Variants in PZP observed in about 807,000 individuals in gnomAD.
The protein encoded by PZP is PZP alpha-2-macroglobulin like, also known as pregnancy zone protein.
Under a neutral mutation model 179.8 loss-of-function variants are expected in PZP, and 150 were observed. The ratio of observed to expected loss-of-function variants is 0.83; its 90% CI spans 0.73 to 0.96. The LOEUF (loss-of-function observed/expected upper bound fraction) is 0.96, where lower values mean the gene tolerates loss of function less well. PZP is among the 40% of genes least tolerant of loss of function. PZP has a pLI of 0.00. For missense variants in PZP, 1,689 were observed against 1,764.0 expected, an observed-to-expected ratio of 0.96 and a Z score of 0.76; for synonymous variants, 624 against 652.3, an observed-to-expected ratio of 0.96 and a Z score of 0.66.
chr12:9,169,450 C>G lies in PZP; in HGVS notation c.1981G>C (p.Asp661His). 1.2e-6 allele frequency: 2 copies of G among 1,605,894 alleles called. No individual in the cohort carries two copies. The highest frequency in any genetic ancestry group is 1.7e-6 in the Non-Finnish European group (2 of 1,176,562). The change falls in exon 16 of 36, where the codon GAT (aspartate) becomes CAT (histidine). Residue 661 changes from aspartate to histidine, a missense_variant. Physicochemically the swap from Asp to His is moderately conservative, Grantham distance 81. This residue lies in a region of PZP where 201 missense variants were observed against 284.2 expected (regional missense o/e 0.71). Transcript: ENST00000261336. ...IYVPLSSNEA[D>H]IYSFLKGMGL... Reference sequence around the variant, plus strand: ...TTTACCTTGAGGAAGCTATAAATATCTGCTTCATTACTTGATAAGGGAACA... The same window carrying G: ...TTTACCTTGAGGAAGCTATAAATATGTGCTTCATTACTTGATAAGGGAACA...
At chr12:9,166,826 A>G (rs1272543728) in intron 17 of PZP, among the ~76,000 whole-genome samples, 1 of 152,200 alleles carries the variant, frequency 6.6e-6, no homozygotes, top group African/African-American at 2.4e-5. Flanking sequence ...AGACAAAGAA[A>G]TCATTTACCA....
chr12:9,169,696 C>T (rs1941848211), intron 15 of PZP, 105 bp from the exon 16 acceptor site: 10 of 1,104,562 alleles, frequency 9.1e-6, no homozygotes, highest in Admixed American at 6.6e-5. Flanking sequence ...TTCTTGAGTA[C>T]GTTCATGTAG....
rs760292474 is a variant in PZP, at chr12:9,181,966, A to G, written c.1689+9T>C. 1.9e-6 allele frequency: 3 copies of G among 1,612,004 alleles called. No individual in the cohort carries two copies. The East Asian group carries it at 6.7e-5, about 36-fold the overall frequency. On this transcript the variant is annotated intron_variant, in intron 14 of 35. Coordinates refer to ENST00000261336, the MANE Select transcript of PZP (RefSeq NM_002864.3). ...TTGTGTTCTTTTAATTTTATGTTAA[A>G]TCGCTCACCTTGTTGGCTAGACAGT...
At chr12:9,154,102 T>G (rs1940564897) in intron 29 of PZP, among the ~76,000 whole-genome samples, 1 of 152,208 alleles carries the variant, frequency 6.6e-6, no homozygotes, top group South Asian at 2.1e-4. Flanking sequence ...GTACTTTTAA[T>G]CACACATTTT....
chr12:9,202,640 G>A lies in PZP; in HGVS notation c.312C>T (p.Ile104=). 1 of 1,614,106 alleles carries A rather than the reference G, an allele frequency of 6.2e-7. No individual in the cohort carries two copies. The highest frequency in any genetic ancestry group is 8.5e-7 in the Non-Finnish European group (1 of 1,180,004). Reference sequence around the variant, plus strand: ...AATCTTGCGTAGGCCCCTTTATCTGGATGCTAAGGAATGCCACCTCTGAAG... The same window carrying A: ...AATCTTGCGTAGGCCCCTTTATCTGAATGCTAAGGAATGCCACCTCTGAAG... ...SASSEVAFLS[I]QIKGPTQDFR... The change falls in exon 3 of 36, where the codon ATC becomes ATT. Residue 104 remains isoleucine, a synonymous_variant. Coordinates refer to ENST00000261336, the MANE Select transcript of PZP (RefSeq NM_002864.3).
intron 15 of PZP, among the ~76,000 whole-genome samples, chr12:9,175,837 G>C (rs1261634989): frequency 6.7e-6 from 1 of 150,224 alleles, no homozygotes; most frequent in Non-Finnish European, 1.5e-5. Flanking sequence ...AGAGAAAAAG[G>C]AATGCTTTTT....
At chr12:9,139,611 CT>C in the PZP span, among the ~76,000 whole-genome samples, 2 of 152,120 alleles carry the variant, frequency 1.3e-5, no homozygotes, top group Non-Finnish European at 2.9e-5. Flanking sequence ...AGGTGTTCTA[CT>C]GTTGGATGCA....
chr12:9,189,250 A>G (rs773585944), intron 13 of PZP, among the ~76,000 whole-genome samples: 28 of 152,232 alleles, frequency 1.8e-4, no homozygotes, highest in Non-Finnish European at 2.9e-4. Flanking sequence ...TTCAAACTAT[A>G]CTACAGGGCT....
chr12:9,192,641 A>C lies in PZP; in HGVS notation c.1353T>G (p.Ser451Arg). ...CAGGCTCCAGGTGAATGTAACTTCC[A>C]CTTAAGGAGAAAACACGATTTGCAG... ...QHTANRVFSL[S>R]GSYIHLEPVA... Residue 451 changes from serine to arginine, a missense_variant, in exon 12 of 36, where the codon AGT (serine) becomes AGG (arginine). Physicochemically the swap from Ser to Arg is moderately radical, Grantham distance 110. Coordinates refer to ENST00000261336, the MANE Select transcript of PZP (RefSeq NM_002864.3). 2 of 1,614,088 alleles carry C rather than the reference A, an allele frequency of 1.2e-6. No individual in the cohort carries two copies. Among genetic ancestry groups the C allele is most frequent in the Non-Finnish European group, 1.7e-6 (2 of 1,179,922 alleles).
chr12:9,155,132 T>C (rs1940653153), intron 28 of PZP, among the ~76,000 whole-genome samples: 1 of 152,078 alleles, frequency 6.6e-6, no homozygotes, highest in African/African-American at 2.4e-5. Flanking sequence ...GTAGAGAGAG[T>C]TCTTTTATTG....
chr12:9,154,551 T>C, intron 29 of PZP, 65 bp downstream of exon 29: 1 of 1,428,914 alleles, frequency 7.0e-7, no homozygotes, highest in South Asian at 1.2e-5. Context: ...CATTAACTGT[T>C]CTACTTTTAA....
rs1328791674 is a variant in PZP, at chr12:9,149,600, C to T, written c.4387G>A (p.Glu1463Lys). 4.3e-6 allele frequency: 7 copies of T among 1,612,614 alleles called. No homozygotes were observed. The highest frequency in any genetic ancestry group is 1.3e-5 in the African/African-American group (1 of 74,860). ...GCGATATACTCAGCAACCACAGACT[C>T]ATCTGAAAGATAACGTTGGGTGAAG... ...VKVYDYYETDESVVAEYIAPC... is the reference protein window; with the variant it reads ...VKVYDYYETDKSVVAEYIAPC... Residue 1463 changes from glutamate to lysine, a missense_variant and splice_region_variant, in exon 35 of 36, where the codon GAG (glutamate) becomes AAG (lysine). Glu to Lys is a moderately conservative substitution (Grantham distance 56, BLOSUM62 1). Around this residue, in one of 3 missense-constraint regions of PZP, gnomAD observed 746 missense variants for 749.2 expected, o/e 1.00. Transcript: ENST00000261336.
chr12:9,165,978 G>A (rs969648067), intron 18 of PZP, 74 bp downstream of exon 18: 34 of 1,506,698 alleles, frequency 2.3e-5, no homozygotes, highest in Non-Finnish European at 2.8e-5. Context: ...CAGGAAGATT[G>A]TCTTAGAATT....
intron 12 of PZP, 88 bp from the exon 13 acceptor site, chr12:9,192,344 A>C (rs1943506400): frequency 1.4e-6 from 2 of 1,386,610 alleles, no homozygotes; most frequent in Non-Finnish European, 2.0e-6. Context: ...TTCAGTTGTC[A>C]AGTCTGTGCT....
intron 13 of PZP, among the ~76,000 whole-genome samples, chr12:9,191,928 G>T (rs1448246237): frequency 6.6e-6 from 1 of 152,160 alleles, no homozygotes; most frequent in Non-Finnish European, 1.5e-5. Flanking sequence ...ATTTTGAAAA[G>T]AGCTTTGTTT....
chr12:9,186,557 A>G (rs1222154290), intron 13 of PZP, among the ~76,000 whole-genome samples: 2 of 152,176 alleles, frequency 1.3e-5, no homozygotes, highest in African/African-American at 4.8e-5. Flanking sequence ...GGAAAGGAGA[A>G]AAATCTGTCA....
At chr12:9,192,047 C>G (rs1943484819) in intron 13 of PZP, 146 bp downstream of exon 13, 2 of 650,334 alleles carry the variant, frequency 3.1e-6, no homozygotes, top group East Asian at 5.6e-5. Context: ...TTTAAAATGC[C>G]AAAGAGTCAT....
At chr12:9,183,687 C>T (rs766442773) in intron 13 of PZP, among the ~76,000 whole-genome samples, 1 of 152,124 alleles carries the variant, frequency 6.6e-6, no homozygotes, top group Non-Finnish European at 1.5e-5. Flanking sequence ...ATGTGCCCGG[C>T]CAAAATTTAC....
At chr12:9,163,860 A>G in intron 20 of PZP, 71 bp from the exon 21 acceptor site, 2 of 1,509,862 alleles carry the variant, frequency 1.3e-6, no homozygotes, top group African/African-American at 1.4e-5. Flanking sequence ...GCTGCACCTT[A>G]AACTTATAGT....
Sources: allele counts gnomAD v4.1 joint callset (sites outside exome capture counted in the v4.1 genomes callset), GRCh38; gene constraint gnomAD v4.1.1; regional missense constraint gnomAD v4.1.1; transcripts MANE v1.5; gene names NCBI Gene and HGNC (gene_info 2026-07-23, HGNC 2026-07-21).